TRANK1: variants seen among roughly 807,000 people sequenced by gnomAD.
TRANK1 encodes the protein TPR and ankyrin repeat-containing protein 1.
TRANK1 carries 198 observed loss-of-function variants against 266.0 expected under a neutral mutation model. That is an observed-to-expected ratio of 0.74 (90% confidence interval 0.66 to 0.84). The LOEUF (loss-of-function observed/expected upper bound fraction) is 0.84, where lower values mean the gene tolerates loss of function less well. Among genes scored for constraint, TRANK1 ranks in the 40% least tolerant of loss-of-function variants. The pLI, the probability that TRANK1 is intolerant of heterozygous loss-of-function variation, is 0.00. For missense variants in TRANK1, 3,326 were observed against 3,634.6 expected, an observed-to-expected ratio of 0.92 and a Z score of 2.18; for synonymous variants, 1,396 against 1,384.1, an observed-to-expected ratio of 1.01 and a Z score of -0.19.
chr3:36,866,115 A>AGAAAGAGT (rs1553622475), intron 9 of TRANK1, among the ~76,000 whole-genome samples: 18 of 150,342 alleles, frequency 1.2e-4, no homozygotes, highest in African/African-American at 4.2e-4. Context: ...AAAGAAAGAA[A>AGAAAGAGT]GAGTCACCGA....
intron 9 of TRANK1, among the ~76,000 whole-genome samples, chr3:36,871,146 T>C (rs1012946942): frequency 6.6e-6 from 1 of 151,980 alleles, no homozygotes; most frequent in Non-Finnish European, 1.5e-5. Context: ...CCCAGCACTT[T>C]GGGAGGCGAA....
Position 36,842,643 on chromosome 3 carries a change from G to A in TRANK1, c.5259C>T (p.Tyr1753=), listed in dbSNP as rs368036192. ...TTACCTTCCAGCACTGGTGCTTGGC[G>A]TAGTAATCTCCCTGTGCAATCCACT... ...PAEWIAQGDY[Y]AKHQCWKVAA... is the part of the protein sequence containing the mutation. The change falls in exon 18 of 24, where the codon TAC becomes TAT. Residue 1753 remains tyrosine (Y), a synonymous_variant. Coordinates refer to ENST00000645898, the MANE Select transcript of TRANK1 (RefSeq NM_001329998.2). The A allele has an allele frequency of 6.5e-5, 105 of 1,613,840 alleles. No homozygotes were observed. Among genetic ancestry groups the A allele is most frequent in the Admixed American group, 1.3e-4 (8 of 60,006 alleles).
intron 15 of TRANK1, 139 bp from the exon 16 acceptor site, chr3:36,847,485 G>A: frequency 1.2e-6 from 1 of 869,430 alleles, no homozygotes; most frequent in Non-Finnish European, 1.7e-6. Context: ...TCCATCCTGT[G>A]ATCTTAGAAT....
At chr3:36,908,196 A>G (rs1559467430) in intron 2 of TRANK1, 127 bp downstream of exon 2, 2 of 1,079,212 alleles carry the variant, frequency 1.9e-6, no homozygotes, top group Non-Finnish European at 2.4e-6. Context: ...TGCAGAGAAG[A>G]TAAATAGGAA....
At chr3:36,895,163 T>G (rs1249722123) in intron 5 of TRANK1, among the ~76,000 whole-genome samples, 1 of 152,186 alleles carries the variant, frequency 6.6e-6, no homozygotes, top group African/African-American at 2.4e-5. Flanking sequence ...AGCCCAGACC[T>G]CCACAGTCCA....
In TRANK1 at chr3:36,857,145, G is replaced by A; in HGVS notation, c.2577C>T (p.Ile859=). ...KVMTKVIKKK[I]ILAIQQLGNG... Reference sequence around the variant, plus strand: ...TTCCCAGCTGCTGAATGGCAAGGATGATTTTCTTCTTGATGACCTTGGTCA... The same window carrying A: ...TTCCCAGCTGCTGAATGGCAAGGATAATTTTCTTCTTGATGACCTTGGTCA... The change falls in exon 13 of 24, where the codon ATC becomes ATT. Residue 859 remains isoleucine (I), a synonymous_variant. Coordinates refer to ENST00000645898, the MANE Select transcript of TRANK1 (RefSeq NM_001329998.2). The surrounding 1 kb of genome is among the most constrained non-coding windows in gnomAD (Gnocchi z 4.3). 1 of 1,613,938 alleles carries A rather than the reference G, an allele frequency of 6.2e-7. No homozygotes were observed.
chr3:36,924,210 G>A (rs1376958316), intron 1 of TRANK1, among the ~76,000 whole-genome samples: 1 of 152,196 alleles, frequency 6.6e-6, no homozygotes, highest in Non-Finnish European at 1.5e-5. Flanking sequence ...CACCCAGAGT[G>A]AGTACCTGGA....
intron 9 of TRANK1, among the ~76,000 whole-genome samples, chr3:36,872,238 T>C (rs933954837): frequency 1.3e-5 from 2 of 152,134 alleles, no homozygotes; most frequent in African/African-American, 4.8e-5. Context: ...CAGTCTCTAC[T>C]AAAACTACAA....
chr3:36,907,235 C>T (rs1288268750), intron 2 of TRANK1, among the ~76,000 whole-genome samples: 1 of 152,224 alleles, frequency 6.6e-6, no homozygotes, highest in Non-Finnish European at 1.5e-5. Flanking sequence ...GCTGTAACAT[C>T]TGCCTCCCAC....
At position 36,862,682 on chromosome 3, in the gene TRANK1, C is replaced by T. The variant is rs76998204; in HGVS notation, c.1241-1522G>A. ...CAAAGTGAAGCCTAGGACATTTGTT[C>T]GAACCACTGAAAGAGAGAGACAGAC... On this transcript the variant is annotated intron_variant, in intron 10 of 23. Transcript: ENST00000645898. 5.3e-5 allele frequency among the ~76,000 whole-genome samples: 8 copies of T among 152,120 alleles called. 1 individual carries two copies. Among genetic ancestry groups the T allele is most frequent in the African/African-American group, 9.7e-5 (4 of 41,430 alleles).
At position 36,856,890 on chromosome 3, in the gene TRANK1, G is replaced by A. The variant is rs41511748; in HGVS notation, c.2832C>T (p.Ile944=). 0.038 allele frequency: 61,685 copies of A among 1,613,926 alleles called. 1,398 individuals are homozygous for A. Among genetic ancestry groups the A allele is most frequent in the Non-Finnish European group, 0.045 (53,336 of 1,179,854 alleles). ...IYTEIIRIWD[I]VLDHCKLADS... is the part of the protein sequence containing the mutation. ...CAGCCAGTTTGCAGTGATCTAAGAC[G>A]ATGTCCCAAATCCGGATGATTTCCG... The change falls in exon 13 of 24, where the codon ATC becomes ATT. Residue 944 remains isoleucine, a synonymous_variant. Transcript: ENST00000645898.
At chr3:36,931,396 T>A (rs2080358494) in intron 1 of TRANK1, among the ~76,000 whole-genome samples, 1 of 152,240 alleles carries the variant, frequency 6.6e-6, no homozygotes, top group African/African-American at 2.4e-5. Flanking sequence ...AGAGAGGGGC[T>A]GAATAAGAAT....
intron 1 of TRANK1, among the ~76,000 whole-genome samples, chr3:36,920,589 C>G (rs1410515862): frequency 6.6e-6 from 1 of 152,198 alleles, no homozygotes; most frequent in Non-Finnish European, 1.5e-5. Context: ...CTCTATTACA[C>G]AGAGCACTGT....
chr3:36,913,321 A>G (rs1377254298), intron 1 of TRANK1, among the ~76,000 whole-genome samples: 1 of 151,976 alleles, frequency 6.6e-6, no homozygotes, highest in Non-Finnish European at 1.5e-5. Flanking sequence ...AAGTGCTGGG[A>G]TTACAGGCTT....
chr3:36,854,728 C>T (rs907936147), intron 13 of TRANK1, among the ~76,000 whole-genome samples: 3 of 151,862 alleles, frequency 2.0e-5, no homozygotes, highest in Admixed American at 6.6e-5. Context: ...ATTAAAAGCA[C>T]CCAAGTGTGT....
Position 36,833,552 on chromosome 3 carries a change from C to A in TRANK1, c.6031G>T (p.Asp2011Tyr), listed in dbSNP as rs1183033720. The change falls in exon 22 of 24, where the codon GAC becomes TAC. Residue 2011 changes from aspartate (D) to tyrosine (Y), a missense_variant. Asp to Tyr is a radical substitution (Grantham distance 160). Transcript: ENST00000645898. ...ATATCAAGTGCTTCTCTCAGAATGT[C>A]CTTGGTGTGTTCTATGTCGGAATCC... ...ARDSDIEHTK[D>Y]ILREALDICY... 2.5e-6 allele frequency: 4 copies of A among 1,613,940 alleles called. No individual in the cohort carries two copies. In the South Asian group the frequency reaches 4.4e-5, roughly 18 times the overall value.
intron 8 of TRANK1, among the ~76,000 whole-genome samples, chr3:36,879,794 A>G (rs1007400361): frequency 0.016 from 762 of 47,056 alleles, 226 homozygotes; most frequent in African/African-American, 0.069. Context: ...ATGTAAATAT[A>G]TAAATATACA....
At position 36,856,978 on chromosome 3, in the gene TRANK1, G is replaced by C. The variant is rs971494733; in HGVS notation, c.2744C>G (p.Pro915Arg). 3 of 1,613,728 alleles carry C rather than the reference G, an allele frequency of 1.9e-6. No individual in the cohort carries two copies. Among genetic ancestry groups the C allele is most frequent in the Admixed American group, 1.7e-5 (1 of 59,976 alleles). ...CTGCTCCGTGGCAATGATCTTCTCAGGGTTCTCACTGCATCGAGGGGAGAA... is the reference window on the plus strand; with the variant it reads ...CTGCTCCGTGGCAATGATCTTCTCACGGTTCTCACTGCATCGAGGGGAGAA... ...IDFSPRCSEN[P>R]EKIIATEQNT... is the part of the protein sequence containing the mutation. Residue 915 changes from proline (P) to arginine (R), a missense_variant, in exon 13 of 24, where the codon CCT becomes CGT. Pro to Arg is a moderately radical substitution (Grantham distance 103, BLOSUM62 -2). Transcript: ENST00000645898.
At chr3:36,900,875 A>AAAAAAAAAAAAAAAAAAAAAC (rs1304547155) in intron 3 of TRANK1, among the ~76,000 whole-genome samples, 1 of 147,354 alleles carries the variant, frequency 6.8e-6, no homozygotes, top group Non-Finnish European at 1.5e-5. Context: ...AAAAAAAAAA[A>AAAAAAAAAAAAAAAAAAAAAC]AGATAACAGG....
Sources: gnomAD v4.1 joint callset for allele counts (sites outside exome capture counted in the v4.1 genomes callset) on GRCh38, gnomAD v4.1.1 for gene constraint, Gnocchi (gnomAD v3.1) non-coding constraint, MANE v1.5 for transcripts, NCBI Gene and HGNC (gene_info 2026-07-23, HGNC 2026-07-21) for gene names.